Variants in WDR19 observed in about 807,000 individuals in gnomAD.
The protein encoded by WDR19 is WD repeat domain 19.
In WDR19, 121 loss-of-function variants were observed where a neutral mutation model predicts 180.0. The observed-to-expected ratio is 0.67, with a 90% CI of 0.58 to 0.78. WDR19 has a LOEUF of 0.78. Among genes scored for constraint, WDR19 ranks in the 30% least tolerant of loss-of-function variants. The pLI, the probability that WDR19 is intolerant of heterozygous loss-of-function variation, is 0.00. For synonymous variants in WDR19, 497 were observed against 540.7 expected (o/e 0.92, Z 1.12); for missense variants, 1,450 against 1,640.7 (o/e 0.88, Z 2.01).
At chr4:39,258,226 C>G (rs757118382) in intron 28 of WDR19, among the ~76,000 whole-genome samples, 15 of 151,994 alleles carry the variant, frequency 9.9e-5, no homozygotes, top group Non-Finnish European at 1.5e-4. Context: ...AATCTCGGCT[C>G]ACTGCAACCT....
chr4:39,203,581 AT>A, intron 6 of WDR19, 60 bp from the exon 7 acceptor site: 1 of 1,362,708 alleles, frequency 7.3e-7, no homozygotes, highest in Non-Finnish European at 1.0e-6. Context: ...CATTCTATTA[AT>A]ATTCAGAATG....
rs936369572 is a variant in WDR19, at chr4:39,254,079, A to G, written c.3001+49A>G. On this transcript the variant is annotated intron_variant, in intron 26 of 36. Coordinates refer to ENST00000399820, the MANE Select transcript of WDR19 (RefSeq NM_025132.4). ...TCTCTTCAAGATGTTTATCATAAAA[A>G]CACTTTGTCTCTTATGATCTAATTA... is the stretch of plus-strand genomic sequence containing the variant. 4.5e-6 allele frequency: 7 copies of G among 1,571,212 alleles called. No individual in the cohort carries two copies. In the Admixed American group the frequency reaches 7.0e-5, roughly 16 times the overall value.
chr4:39,186,478 CAAAAAAAAAA>C (rs71192831), intron 2 of WDR19, 51 bp from the exon 3 acceptor site: 25 of 363,452 alleles, frequency 6.9e-5, no homozygotes, highest in African/African-American at 3.2e-4. Context: ...GACTCTGTCT[CAAAAAAAAAA>C]AAAAAAAAAA....
chr4:39,270,982 C>G (rs914096255), intron 31 of WDR19, among the ~76,000 whole-genome samples: 1 of 150,986 alleles, frequency 6.6e-6, no homozygotes, highest in Non-Finnish European at 1.5e-5. Flanking sequence ...GCATCCTCCA[C>G]CTCCCTGCTT....
chr4:39,275,027 AGT>A, intron 33 of WDR19, 69 bp downstream of exon 33: 1 of 1,569,560 alleles, frequency 6.4e-7, no homozygotes, highest in Non-Finnish European at 8.6e-7. Context: ...TGTAGCTGCC[AGT>A]GTGCAAGCTC....
At chr4:39,276,593 A>G (rs1735920683) in intron 33 of WDR19, among the ~76,000 whole-genome samples, 1 of 152,226 alleles carries the variant, frequency 6.6e-6, no homozygotes, top group Admixed American at 6.5e-5. Flanking sequence ...CATATTGGAT[A>G]GCACAGAATC....
chr4:39,218,090 C>G lies in WDR19; in HGVS notation c.1464C>G (p.Leu488=). ...GCCATGCCTTAACTAGTGATTTCCT[C>G]ATCTATGGTACAGATGTATGTATTG... is the stretch of plus-strand genomic sequence containing the variant. The part of the protein sequence containing the change: ...ILCHALTSDF[L]IYGTDTGVVQ... The change falls in exon 14 of 37, where the codon CTC becomes CTG. Residue 488 remains leucine, a synonymous_variant. Coordinates refer to ENST00000399820, the MANE Select transcript of WDR19 (RefSeq NM_025132.4). 1 of 1,613,866 alleles carries G rather than the reference C, an allele frequency of 6.2e-7. No homozygotes were observed. The highest frequency in any genetic ancestry group is 8.5e-7 in the Non-Finnish European group (1 of 1,179,788).
chr4:39,240,937 C>G (rs1006170199), intron 21 of WDR19, among the ~76,000 whole-genome samples: 1 of 140,324 alleles, frequency 7.1e-6, no homozygotes, highest in South Asian at 2.3e-4. Flanking sequence ...GCCTGGACGA[C>G]AGAGCGAGAC....
intron 21 of WDR19, 117 bp downstream of exon 21, chr4:39,240,451 C>A: frequency 2.1e-6 from 1 of 473,624 alleles, no homozygotes; most frequent in Non-Finnish European, 3.3e-6. Flanking sequence ...TGAGTGTTTT[C>A]TTTGGTTTAC....
rs762384121 is a variant in WDR19 at position 39,217,210 on chromosome 4, A to C, written c.1326A>C (p.Ala442=). 6 of 1,605,542 alleles carry C rather than the reference A, an allele frequency of 3.7e-6. No individual in the cohort carries two copies. Among genetic ancestry groups the C allele is most frequent in the Non-Finnish European group, 5.1e-6 (6 of 1,175,962 alleles). The change falls in exon 13 of 37, where the codon GCA becomes GCC. Residue 442 remains alanine, a synonymous_variant. Coordinates refer to ENST00000399820, the MANE Select transcript of WDR19 (RefSeq NM_025132.4). The part of the protein sequence containing the change: ...SICLHSDYAA[A]LFEGKVQLHL... ...GCCTTCATTCTGACTATGCTGCTGCACTTTTTGAAGGCAAAGTCCAGTTAC... is the reference window on the plus strand; with the variant it reads ...GCCTTCATTCTGACTATGCTGCTGCCCTTTTTGAAGGCAAAGTCCAGTTAC...
intron 33 of WDR19, among the ~76,000 whole-genome samples, chr4:39,276,544 T>C (rs1735915177): frequency 6.6e-6 from 1 of 152,244 alleles, no homozygotes; most frequent in South Asian, 2.1e-4. Flanking sequence ...TTCTTCGCAC[T>C]ACCCGTATTT....
intron 28 of WDR19, among the ~76,000 whole-genome samples, chr4:39,265,228 C>T (rs1429988229): frequency 6.6e-6 from 1 of 151,732 alleles, no homozygotes; most frequent in African/African-American, 2.4e-5. Flanking sequence ...CTGGAGATGA[C>T]TTTTAAGTAA....
At chr4:39,247,352 T>C (rs1387681469) in intron 24 of WDR19, among the ~76,000 whole-genome samples, 1 of 152,156 alleles carries the variant, frequency 6.6e-6, no homozygotes, top group Non-Finnish European at 1.5e-5. Flanking sequence ...AAAACCCATC[T>C]GTAAGTCACC....
intron 19 of WDR19, 22 bp from the exon 20 acceptor site, chr4:39,234,744 A>G: frequency 6.6e-7 from 1 of 1,508,968 alleles, no homozygotes; most frequent in Non-Finnish European, 9.0e-7. Context: ...ATTTGAAATT[A>G]AGGTCTTTCT....
At chr4:39,208,343 G>C (rs1728167051) in intron 9 of WDR19, among the ~76,000 whole-genome samples, 1 of 125,142 alleles carries the variant, frequency 8.0e-6, no homozygotes, top group Non-Finnish European at 1.6e-5. Context: ...GTCTCACTCT[G>C]TTGCCCAGGC....
chr4:39,237,332 G>A (rs1303558430), intron 20 of WDR19, among the ~76,000 whole-genome samples: 1 of 152,124 alleles, frequency 6.6e-6, no homozygotes, highest in African/African-American at 2.4e-5. Flanking sequence ...GCCCAAGGGA[G>A]GAAGACTGCT....
chr4:39,284,686 T>C (rs1460566771), intron 36 of WDR19, among the ~76,000 whole-genome samples: 1 of 150,626 alleles, frequency 6.6e-6, no homozygotes, highest in Non-Finnish European at 1.5e-5. Context: ...TTGTCCCAAG[T>C]TTATAACTGT....
chr4:39,284,367 C>A (rs185552311), intron 36 of WDR19, among the ~76,000 whole-genome samples: 19 of 121,442 alleles, frequency 1.6e-4, no homozygotes, highest in Non-Finnish European at 2.6e-4. Flanking sequence ...GAGACAGGAT[C>A]TCACTCTGCT....
intron 9 of WDR19, among the ~76,000 whole-genome samples, chr4:39,210,282 T>C (rs960815051): frequency 6.6e-6 from 1 of 152,218 alleles, no homozygotes; most frequent in African/African-American, 2.4e-5. Context: ...CTCAACAAAA[T>C]TTAACAAACT....
Sources: allele counts gnomAD v4.1 joint callset (sites outside exome capture counted in the v4.1 genomes callset), GRCh38; gene constraint gnomAD v4.1.1; transcripts MANE v1.5; gene names NCBI Gene and HGNC (gene_info 2026-07-23, HGNC 2026-07-21).